Variants in CAP1 observed in about 807,000 individuals in gnomAD.
CAP1 encodes cyclase associated actin cytoskeleton regulatory protein 1, also known as adenylyl cyclase-associated protein 1.
Under a neutral mutation model 58.2 loss-of-function variants are expected in CAP1, and 11 were observed. The ratio of observed to expected loss-of-function variants is 0.19; its 90% CI spans 0.12 to 0.31. The LOEUF is 0.31. CAP1 is among the 10% of genes least tolerant of loss of function. The pLI is 1.00. For synonymous variants in CAP1, 183 were observed against 213.8 expected (o/e 0.86, Z 1.26); for missense variants, 423 against 587.5 (o/e 0.72, Z 2.89).
At chr1:40,063,189 TA>T (rs1376136941) in intron 4 of CAP1, among the ~76,000 whole-genome samples, 4 of 150,908 alleles carry the variant, frequency 2.7e-5, no homozygotes, top group Non-Finnish European at 4.4e-5. Context: ...TTTATTTATT[TA>T]TTTCTGAGAT....
In CAP1 at chr1:40,072,092, C is replaced by T. The variant is rs1393194561; in HGVS notation, c.*559C>T. 2.5e-6 allele frequency: 1 copy of T among 402,148 alleles called. No homozygotes were observed. Among genetic ancestry groups the T allele is most frequent in the Non-Finnish European group, 4.4e-6 (1 of 227,976 alleles). 24.9% of individuals were successfully genotyped at this position (402,148 alleles called of 1,614,324 possible). ...GTTTCCTATAAGCATTCCTTTTATTCTCTATTCTATCCTGGGTCTGCCTCA... is the reference window on the plus strand; with the variant it reads ...GTTTCCTATAAGCATTCCTTTTATTTTCTATTCTATCCTGGGTCTGCCTCA... On this transcript the variant is annotated 3_prime_UTR_variant, in exon 13 of 13. Transcript: ENST00000372805.
At chr1:40,071,037 G>C in intron 12 of CAP1, 58 bp downstream of exon 12, 1 of 1,488,298 alleles carries the variant, frequency 6.7e-7, no homozygotes, top group East Asian at 2.3e-5. Context: ...GAAGATTTCT[G>C]GCATTGAAGA....
At chr1:40,041,690 C>G (rs1237044040) in intron 1 of CAP1, among the ~76,000 whole-genome samples, 4 of 152,120 alleles carry the variant, frequency 2.6e-5, no homozygotes, top group African/African-American at 9.7e-5. Flanking sequence ...TTCCCAGATG[C>G]GGGGAATGCA....
In CAP1 at chr1:40,061,743, G is replaced by T; in HGVS notation, c.225G>T (p.Met75Ile). 1 of 1,613,918 alleles carries T rather than the reference G, an allele frequency of 6.2e-7. No individual in the cohort carries two copies. Residue 75 changes from methionine to isoleucine, a missense_variant, in exon 4 of 13, where the codon ATG becomes ATT. By Grantham distance (10) the Met-to-Ile change is conservative. Transcript: ENST00000372805. ...ATTCTTCTTTCTGGCAGGCGGAGAT[G>T]GTCCACACAGGTTTGAAGTTGGAGC... is the stretch of plus-strand genomic sequence containing the variant. Reference protein sequence around the residue: ...IGGDVQKHAEMVHTGLKLERA... With the variant: ...IGGDVQKHAEIVHTGLKLERA...
At chr1:40,043,693 A>G (rs1172335080) in intron 1 of CAP1, among the ~76,000 whole-genome samples, 1 of 152,086 alleles carries the variant, frequency 6.6e-6, no homozygotes, top group Non-Finnish European at 1.5e-5. Flanking sequence ...CCTAGCCAAC[A>G]TGGTGAAACA....
At chr1:40,070,057 A>T in intron 9 of CAP1, 102 bp from the exon 10 acceptor site, 1 of 1,524,892 alleles carries the variant, frequency 6.6e-7, no homozygotes, top group Non-Finnish European at 9.0e-7. Context: ...ATGAGGGCAG[A>T]GTTCTGGCTT....
At chr1:40,052,200 T>C (rs1198793228) in intron 1 of CAP1, among the ~76,000 whole-genome samples, 1 of 152,234 alleles carries the variant, frequency 6.6e-6, no homozygotes, top group Non-Finnish European at 1.5e-5. Context: ...AATTGCATTT[T>C]AAGGCTTCTG....
chr1:40,044,748 T>C (rs1425920179), intron 1 of CAP1, among the ~76,000 whole-genome samples: 2 of 151,736 alleles, frequency 1.3e-5, no homozygotes, highest in Non-Finnish European at 2.9e-5. Context: ...GAACAGGGTT[T>C]CTCAACGTTG....
intron 6 of CAP1, among the ~76,000 whole-genome samples, chr1:40,065,234 T>C (rs1045854040): frequency 1.3e-5 from 2 of 152,224 alleles, no homozygotes; most frequent in Non-Finnish European, 2.9e-5. Context: ...AAATTTTTCA[T>C]GAAGTCAGTT....
chr1:40,064,401 G>A (rs1646987190), intron 5 of CAP1, 31 bp downstream of exon 5: 1 of 1,613,924 alleles, frequency 6.2e-7, no homozygotes, highest in Non-Finnish European at 8.5e-7. Flanking sequence ...GGCTGGGGGT[G>A]GGTATAGATT....
intron 1 of CAP1, among the ~76,000 whole-genome samples, chr1:40,045,651 GT>G (rs758335094): frequency 6.6e-6 from 1 of 152,170 alleles, no homozygotes; most frequent in African/African-American, 2.4e-5. Context: ...CCCCTCCCGG[GT>G]TCAAGCAGTT....
At chr1:40,053,066 T>C (rs1307495124) in intron 1 of CAP1, among the ~76,000 whole-genome samples, 1 of 151,974 alleles carries the variant, frequency 6.6e-6, no homozygotes, top group Non-Finnish European at 1.5e-5. Context: ...CTACTAAAAA[T>C]ACAAAAAATT....
At chr1:40,048,642 C>T (rs1646216492) in intron 1 of CAP1, among the ~76,000 whole-genome samples, 1 of 152,034 alleles carries the variant, frequency 6.6e-6, no homozygotes, top group African/African-American at 2.4e-5. Flanking sequence ...AAACCCATCA[C>T]CCAAATGTGA....
chr1:40,064,749 A>C (rs548710610), intron 6 of CAP1, among the ~76,000 whole-genome samples, 190 bp downstream of exon 6: 1 of 151,862 alleles, frequency 6.6e-6, no homozygotes, highest in African/African-American at 2.4e-5. Flanking sequence ...CTAATTTTCT[A>C]ATTTTTTCGT....
chr1:40,040,384 T>C (rs1390083237), upstream of CAP1: 1 of 152,304 alleles, frequency 6.6e-6, no homozygotes, highest in African/African-American at 2.4e-5. Context: ...ACAGAGGAAC[T>C]GGTCACTCTT....
intron 6 of CAP1, 149 bp from the exon 7 acceptor site, chr1:40,066,066 A>C (rs886252618): frequency 1.7e-6 from 1 of 597,150 alleles, no homozygotes; most frequent in Non-Finnish European, 3.0e-6. Context: ...TATACATAGA[A>C]GCTGGTGATG....
intron 2 of CAP1, 30 bp from the exon 3 acceptor site, chr1:40,060,037 G>A (rs200769162): frequency 3.8e-6 from 6 of 1,577,692 alleles, no homozygotes; most frequent in African/African-American, 1.4e-5. Context: ...CTGATGCATG[G>A]CTGATTCTTT....
At chr1:40,054,398 A>G (rs1316593857) in intron 1 of CAP1, among the ~76,000 whole-genome samples, 1 of 151,740 alleles carries the variant, frequency 6.6e-6, no homozygotes, top group East Asian at 1.9e-4. Context: ...CTGGTCTCGA[A>G]CTCCTGAGCT....
intron 3 of CAP1, among the ~76,000 whole-genome samples, chr1:40,061,153 G>T (rs1257935049): frequency 1.3e-5 from 1 of 78,320 alleles, no homozygotes; most frequent in Non-Finnish European, 2.5e-5. Context: ...TACTTCTGCT[G>T]TACTTTTTTT....
Sources: gnomAD v4.1 joint callset for allele counts (sites outside exome capture counted in the v4.1 genomes callset) on GRCh38, gnomAD v4.1.1 for gene constraint, MANE v1.5 for transcripts, NCBI Gene and HGNC (gene_info 2026-07-23, HGNC 2026-07-21) for gene names.